Variants in RNF216 observed in about 807,000 individuals in gnomAD.
RNF216 encodes E3 ubiquitin-protein ligase RNF216.
RNF216 carries 72 observed loss-of-function variants against 110.8 expected under a neutral mutation model. The observed-to-expected ratio is 0.65, with a 90% CI of 0.54 to 0.79. The LOEUF (loss-of-function observed/expected upper bound fraction) is 0.79. Among genes scored for constraint, RNF216 ranks in the 30% least tolerant of loss-of-function variants. The pLI is 0.00. For missense variants in RNF216, 1,342 were observed against 1,141.2 expected, an observed-to-expected ratio of 1.18 and a Z score of -2.54; for synonymous variants, 495 against 407.5, an observed-to-expected ratio of 1.21 and a Z score of -2.59.
chr7:5,780,653 C>A (rs1056309231), intron 1 of RNF216, among the ~76,000 whole-genome samples: 3 of 151,364 alleles, frequency 2.0e-5, no homozygotes, highest in South Asian at 2.1e-4. Flanking sequence ...TGCAGTGAGC[C>A]GGGATCGCGC....
chr7:5,707,023 T>A (rs539961313), intron 13 of RNF216, among the ~76,000 whole-genome samples: 1 of 152,268 alleles, frequency 6.6e-6, no homozygotes, highest in Non-Finnish European at 1.5e-5. Context: ...GCACCATTAA[T>A]CAGAGACTAC....
rs1371039689 is a variant in RNF216 at position 5,686,222 on chromosome 7, A to AT, written c.2061+25538dup. ...TGGGTTGACAGAGTATGACTCTGTTATTAAAAAAAAAAAAAAAAAAAAAAA... is the reference window on the plus strand; with the variant it reads ...TGGGTTGACAGAGTATGACTCTGTTATTTAAAAAAAAAAAAAAAAAAAAAAA... On this transcript the variant is annotated intron_variant, in intron 13 of 16. Coordinates refer to ENST00000389902, the MANE Select transcript of RNF216 (RefSeq NM_207111.4). Among the ~76,000 whole-genome samples, 37 of 131,546 alleles carry AT rather than the reference A, an allele frequency of 2.8e-4. 2 individuals are homozygous for AT. The highest frequency in any genetic ancestry group is 4.1e-4 in the Non-Finnish European group (26 of 63,980). The allele number at this position is 131,546 out of a possible 152,430, so 86.3% of individuals were successfully genotyped here.
intron 13 of RNF216, among the ~76,000 whole-genome samples, chr7:5,679,496 C>A (rs1411751548): frequency 6.6e-6 from 1 of 152,232 alleles, no homozygotes; most frequent in African/African-American, 2.4e-5. Context: ...TGGGGGAATG[C>A]GGTGAAGCCT....
intron 5 of RNF216, among the ~76,000 whole-genome samples, chr7:5,734,198 G>C (rs1275794295): frequency 6.6e-6 from 1 of 152,156 alleles, no homozygotes; most frequent in African/African-American, 2.4e-5. Flanking sequence ...GTGACAGTCA[G>C]AACTCAAATG....
chr7:5,674,332 A>C (rs968033697), intron 13 of RNF216, among the ~76,000 whole-genome samples: 1 of 151,478 alleles, frequency 6.6e-6, no homozygotes, highest in African/African-American at 2.4e-5. Context: ...CTAATTTTCA[A>C]ATTTTTAGTA....
intron 15 of RNF216, among the ~76,000 whole-genome samples, chr7:5,632,589 C>T (rs916307540): frequency 1.3e-5 from 2 of 152,114 alleles, no homozygotes; most frequent in African/African-American, 4.8e-5. Flanking sequence ...CCAGCCTGGC[C>T]AACATGGCGA....
At chr7:5,648,857 T>C (rs543404316) in intron 14 of RNF216, among the ~76,000 whole-genome samples, 1 of 152,134 alleles carries the variant, frequency 6.6e-6, no homozygotes, top group Non-Finnish European at 1.5e-5. Flanking sequence ...TGAATCTCAT[T>C]TGGATCCTAA....
At chr7:5,650,378 C>A (rs1486503696) in intron 14 of RNF216, among the ~76,000 whole-genome samples, 1 of 152,204 alleles carries the variant, frequency 6.6e-6, no homozygotes, top group Non-Finnish European at 1.5e-5. Context: ...ACCGATAGGA[C>A]AATCAGAATG....
intron 2 of RNF216, among the ~76,000 whole-genome samples, chr7:5,754,333 A>T (rs1562464056): frequency 1.3e-5 from 2 of 151,758 alleles, no homozygotes; most frequent in African/African-American, 4.8e-5. Context: ...TTAAAAAAAA[A>T]ATTTTTTTTT....
intron 13 of RNF216, among the ~76,000 whole-genome samples, chr7:5,687,884 G>A (rs1266792757): frequency 6.6e-6 from 1 of 152,198 alleles, no homozygotes; most frequent in African/African-American, 2.4e-5. Flanking sequence ...TACAGATGAG[G>A]AAACCAAGTC....
chr7:5,630,229 G>C (rs1420319785), intron 15 of RNF216, among the ~76,000 whole-genome samples: 1 of 152,108 alleles, frequency 6.6e-6, no homozygotes, highest in African/African-American at 2.4e-5. Flanking sequence ...AGCAGTGCTG[G>C]CTTCTTCAAG....
At chr7:5,681,677 T>C (rs948820423) in intron 13 of RNF216, among the ~76,000 whole-genome samples, 8 of 152,228 alleles carry the variant, frequency 5.3e-5, no homozygotes, top group African/African-American at 1.9e-4. Context: ...GTTTTCTGTC[T>C]GGTATGTTGG....
At chr7:5,638,782 T>C (rs1432932521) in intron 15 of RNF216, among the ~76,000 whole-genome samples, 6 of 151,686 alleles carry the variant, frequency 4.0e-5, no homozygotes, top group Admixed American at 2.0e-4. Context: ...TGACTACAGG[T>C]GAGCACCACA....
chr7:5,625,665 G>A (rs913146083), intron 15 of RNF216, among the ~76,000 whole-genome samples: 1 of 152,234 alleles, frequency 6.6e-6, no homozygotes, highest in African/African-American at 2.4e-5. Flanking sequence ...TTCACTAAAC[G>A]TGCACTGCAT....
chr7:5,778,736 CT>C, intron 1 of RNF216, among the ~76,000 whole-genome samples: 1 of 139,546 alleles, frequency 7.2e-6, no homozygotes, highest in Non-Finnish European at 1.6e-5. Context: ...ACCTCAGTTT[CT>C]TTTTTTAAAA....
intron 3 of RNF216, among the ~76,000 whole-genome samples, chr7:5,748,432 G>A (rs1361757683): frequency 1.3e-5 from 2 of 152,130 alleles, no homozygotes; most frequent in South Asian, 4.1e-4. Context: ...GCTAATTTTT[G>A]TATTTTTAGT....
At chr7:5,657,913 T>C (rs1419364094) in intron 13 of RNF216, among the ~76,000 whole-genome samples, 3 of 152,206 alleles carry the variant, frequency 2.0e-5, no homozygotes, top group Non-Finnish European at 4.4e-5. Context: ...AGAACCTCTA[T>C]TTTTCCTAGG....
At chr7:5,675,127 A>C (rs1790196193) in intron 13 of RNF216, among the ~76,000 whole-genome samples, 1 of 152,230 alleles carries the variant, frequency 6.6e-6, no homozygotes, top group Non-Finnish European at 1.5e-5. Context: ...TTTTTATTTT[A>C]AATAATGGCA....
intron 1 of RNF216, among the ~76,000 whole-genome samples, chr7:5,773,295 T>G (rs539389091): frequency 3.3e-5 from 5 of 151,488 alleles, no homozygotes; most frequent in African/African-American, 1.2e-4. Flanking sequence ...TGGGCTGGAG[T>G]GCAGTGGTGC....
Sources: allele counts gnomAD v4.1 joint callset (sites outside exome capture counted in the v4.1 genomes callset), GRCh38; gene constraint gnomAD v4.1.1; transcripts MANE v1.5; gene names NCBI Gene and HGNC (gene_info 2026-07-23, HGNC 2026-07-21).